Variants in PVRIG observed in about 807,000 individuals in gnomAD.
PVRIG encodes the protein transmembrane protein PVRIG.
PVRIG carries 16 observed loss-of-function variants against 21.9 expected under a neutral mutation model. The observed-to-expected ratio is 0.73, with a 90% CI of 0.50 to 1.11. The LOEUF (loss-of-function observed/expected upper bound fraction) is 1.11. Ranked by LOEUF, PVRIG falls within the 50% of genes most tolerant of loss-of-function variation. The pLI is 0.00. For synonymous variants in PVRIG, 190 were observed against 181.0 expected (o/e 1.05, Z -0.40); for missense variants, 435 against 445.7 (o/e 0.98, Z 0.22).
At chr7:100,221,302 C>T in exon 6 of PVRIG, 2 of 1,387,606 alleles carry the variant, frequency 1.4e-6, no homozygotes, top group Non-Finnish European at 1.9e-6. Context: ...TCCTGGGTGT[C>T]ACCCCCTTAC....
exon 2 of PVRIG, chr7:100,220,011 C>T: frequency 1.9e-6 from 3 of 1,604,052 alleles, no homozygotes; most frequent in Non-Finnish European, 2.6e-6. Flanking sequence ...GTGCTGCTGA[C>T]CTTGTGTGTC....
At chr7:100,220,854 CA>C (rs776944201) in intron 5 of PVRIG, 34 bp downstream of exon 4, 21 of 1,598,474 alleles carry the variant, frequency 1.3e-5, no homozygotes, top group Non-Finnish European at 1.6e-5. Context: ...GATGAGGTGA[CA>C]GGGGCAGGGG....
chr7:100,220,739 A>T, intron 4 of PVRIG, 21 bp from the exon 4 acceptor site: 1 of 1,606,444 alleles, frequency 6.2e-7, no homozygotes, highest in Non-Finnish European at 8.5e-7. Flanking sequence ...CAGAGCTCTG[A>T]CCATCCTTGC....
At chr7:100,220,791 A>T in exon 5 of PVRIG, 3 of 1,606,030 alleles carry the variant, frequency 1.9e-6, no homozygotes, top group Non-Finnish European at 2.5e-6. Flanking sequence ...GTCCCGCACC[A>T]GCCCCCAGGC....
chr7:100,221,235 C>G (rs371171161), exon 6 of PVRIG: 1 of 1,579,684 alleles, frequency 6.3e-7, no homozygotes, highest in Non-Finnish European at 8.6e-7. Flanking sequence ...ATGGAAGGAC[C>G]CTTAGGAGTT....
rs752841680 is a variant in PVRIG at position 100,219,979 on chromosome 7, C to A, written c.69C>A (p.His23Gln). ...CTGGACTGGAGGGGGCCATGGGGCA[C>A]CGGACCCTGGTCCTGCCCTGGGTGC... Residue 23 changes from histidine (H) to glutamine (Q), a missense_variant, in exon 2 of 6, where the codon CAC (histidine) becomes CAA (glutamine). His to Gln is a conservative substitution (Grantham distance 24). Coordinates refer to ENST00000317271, the Ensembl canonical transcript of PVRIG. 1.9e-6 allele frequency: 3 copies of A among 1,588,774 alleles called. No individual in the cohort carries two copies. In the Admixed American group the frequency reaches 5.3e-5, roughly 28 times the overall value.
In PVRIG at chr7:100,219,939, T is replaced by C; in HGVS notation, c.29T>C (p.Leu10Pro). 6.4e-7 allele frequency: 1 copy of C among 1,551,078 alleles called. No individual in the cohort carries two copies. The highest frequency in any genetic ancestry group is 1.2e-5 in the South Asian group (1 of 84,076). ...AGAACAGAGGCACAGGTGCCGGCCC[T>C]GCAGCCCCCAGAACCTGGACTGGAG... Residue 10 changes from leucine to proline, a missense_variant, in exon 2 of 6, where the codon CTG (leucine) becomes CCG (proline). Leu to Pro is a moderately conservative substitution (Grantham distance 98). Coordinates refer to ENST00000317271, the Ensembl canonical transcript of PVRIG.
chr7:100,220,312 C>T (rs867393961), exon 3 of PVRIG: 2 of 1,556,506 alleles, frequency 1.3e-6, no homozygotes, highest in Non-Finnish European at 1.7e-6. Context: ...GCTCGCCAGG[C>T]CCGCTGGGAA....
At chr7:100,220,356 T>C (rs767984633) in exon 3 of PVRIG, 1 of 1,563,074 alleles carries the variant, frequency 6.4e-7, no homozygotes, top group African/African-American at 1.4e-5. Flanking sequence ...CCTGGAAGGC[T>C]CTGGGGCCAG....
chr7:100,220,978 C>G (rs1323783946), exon 6 of PVRIG: 11 of 1,597,302 alleles, frequency 6.9e-6, no homozygotes, highest in South Asian at 1.1e-5. Context: ...ATGCCACTAT[C>G]AACACCAGCT....
Position 100,221,032 on chromosome 7 carries a change from GT to G in PVRIG, c.763del (p.Ser255ProfsTer69). On this transcript the variant is annotated frameshift_variant, in exon 6 of 6. Coordinates refer to ENST00000317271, the Ensembl canonical transcript of PVRIG. LOFTEE classifies it low-confidence loss of function (END_TRUNC). ...ACACAGCTCACCCCCATGGGGGGCC[GT>G]CCTGGTGGGCGTCACTCCCCACCCA... The G allele has an allele frequency of 1.2e-6, 2 of 1,613,008 alleles. No individual in the cohort carries two copies. Among genetic ancestry groups the G allele is most frequent in the Non-Finnish European group, 8.5e-7 (1 of 1,179,332 alleles).
chr7:100,220,776 C>T lies in PVRIG; in HGVS notation c.613C>T (p.Gln205Ter), dbSNP rs1803182251. The T allele has an allele frequency of 1.2e-6, 2 of 1,606,040 alleles. No individual in the cohort carries two copies. Among genetic ancestry groups the T allele is most frequent in the South Asian group, 1.1e-5 (1 of 91,028 alleles). The change falls in exon 5 of 6, where the codon CAG becomes TAG. Residue 205 changes from glutamine to a stop codon, truncating the protein, a stop_gained. Coordinates refer to ENST00000317271, the Ensembl canonical transcript of PVRIG. LOFTEE classifies it low-confidence loss of function (END_TRUNC). ...CTCTCCCAGCCCTGCCCCTAGGCTCCAGCCGTCCCGCACCAGCCCCCAGGC... is the reference window on the plus strand; with the variant it reads ...CTCTCCCAGCCCTGCCCCTAGGCTCTAGCCGTCCCGCACCAGCCCCCAGGC...
Position 100,220,534 on chromosome 7 carries a change from T to C in PVRIG, c.470-13T>C, listed in dbSNP as rs745896584. 1.8e-5 allele frequency: 29 copies of C among 1,611,224 alleles called. No homozygotes were observed. The highest frequency in any genetic ancestry group is 1.7e-4 in the Admixed American group (10 of 59,912). On this transcript the variant is annotated splice_polypyrimidine_tract_variant and intron_variant, in intron 3 of 5. Transcript: ENST00000317271. ...GAACTGGCCACCCATCTGATTCTTG[T>C]CTCCGTGCCCAGGGCTCTCTGCCCC...
rs769216216 is a variant in PVRIG at position 100,220,603 on chromosome 7, T to C, written c.526T>C (p.Leu176=). Residue 176 remains leucine (L), a synonymous_variant, in exon 4 of 6, where the codon TTG becomes CTG. Coordinates refer to ENST00000317271, the Ensembl canonical transcript of PVRIG. ...TCTGCGGGCAGACCTGGCCGGGATCTTGGGGGTCTCAGGAGTCCTCCTCTT... is the reference window on the plus strand; with the variant it reads ...TCTGCGGGCAGACCTGGCCGGGATCCTGGGGGTCTCAGGAGTCCTCCTCTT... The C allele has an allele frequency of 2.5e-6, 4 of 1,611,826 alleles. No homozygotes were observed. In the South Asian group the frequency reaches 4.4e-5, roughly 18 times the overall value.
At chr7:100,219,861 G>A (rs1365479902) in exon 2 of PVRIG, 8 of 1,419,160 alleles carry the variant, frequency 5.6e-6, no homozygotes, top group Non-Finnish European at 7.8e-6. Flanking sequence ...GGTGTGAGAG[G>A]AGAGAAGGAA....
At chr7:100,220,668 G>A (rs770506627) in exon 4 of PVRIG, 22 of 1,610,836 alleles carry the variant, frequency 1.4e-5, no homozygotes, top group Non-Finnish European at 1.8e-5. Flanking sequence ...GCCGACATAA[G>A]CACCGGTGAG....
Position 100,220,924 on chromosome 7 carries a change from G to A in PVRIG, c.658-4G>A, listed in dbSNP as rs765682177. 15 of 1,575,652 alleles carry A rather than the reference G, an allele frequency of 9.5e-6. No individual in the cohort carries two copies. In the East Asian group the frequency reaches 2.3e-4, roughly 24 times the overall value. On this transcript the variant is annotated splice_polypyrimidine_tract_variant and splice_region_variant and intron_variant, in intron 5 of 5. Coordinates refer to ENST00000317271, the Ensembl canonical transcript of PVRIG. ...ACTCACTTGACCCTCCTTCCCCCGC[G>A]CAGGCACCAAGCCAGGCCTCCCAGG...
In PVRIG at chr7:100,220,649, A is replaced by G. The variant is rs142868410; in HGVS notation, c.572A>G (p.His191Arg). 3.7e-6 allele frequency: 6 copies of G among 1,611,106 alleles called. No individual in the cohort carries two copies. The highest frequency in any genetic ancestry group is 3.3e-5 in the Admixed American group (2 of 59,974). The change falls in exon 4 of 6, where the codon CAT (histidine) becomes CGT (arginine). Residue 191 changes from histidine to arginine, a missense_variant. Physicochemically the swap from His to Arg is conservative, Grantham distance 29. Transcript: ENST00000317271. ...CTCTTTGGCTGTGTCTACCTCCTTC[A>G]TCTGCTGCGCCGACATAAGCACCGG...
chr7:100,221,125 T>C (rs1397509928), exon 6 of PVRIG: 37 of 1,613,780 alleles, frequency 2.3e-5, no homozygotes, highest in Non-Finnish European at 2.9e-5. Flanking sequence ...GTGGCAGCTT[T>C]GTCTCTGTTG....
Sources: allele counts gnomAD v4.1 joint callset, GRCh38; gene constraint gnomAD v4.1.1; transcripts MANE v1.5; gene names NCBI Gene and HGNC (gene_info 2026-07-23, HGNC 2026-07-21).